The following CDHR1 variants were observed in gnomAD, a reference collection of about 807,000 sequenced individuals.
CDHR1 encodes cadherin-related family member 1.
Under a neutral mutation model 72.1 loss-of-function variants are expected in CDHR1, and 61 were observed. The observed-to-expected ratio is 0.85, with a 90% CI of 0.69 to 1.05. CDHR1 has a LOEUF of 1.05. Ranked by LOEUF, CDHR1 falls within the 50% of genes least tolerant of loss-of-function variation. CDHR1 has a pLI of 0.00. For synonymous variants in CDHR1, 470 were observed against 448.1 expected, an observed-to-expected ratio of 1.05 and a Z score of -0.62; for missense variants, 1,186 against 1,115.7, an observed-to-expected ratio of 1.06 and a Z score of -0.90.
At chr10:84,214,049 C>G in intron 16 of CDHR1, 33 bp from the exon 17 acceptor site, 2 of 1,613,954 alleles carry the variant, frequency 1.2e-6, no homozygotes, top group Non-Finnish European at 1.7e-6. Flanking sequence ...CAGGTGGGAA[C>G]AGCTGAGTGC....
Position 84,214,961 on chromosome 10 carries a change from C to A in CDHR1, c.*340C>A. Reference sequence around the variant, plus strand: ...GCTCACCCATCCCAGACCTCACAGTCCCTCAGGTTCTACTGGGATCTCATC... The same window carrying A: ...GCTCACCCATCCCAGACCTCACAGTACCTCAGGTTCTACTGGGATCTCATC... On this transcript the variant is annotated 3_prime_UTR_variant, in exon 17 of 17. Transcript: ENST00000623527. 1 of 1,238,486 alleles carries A rather than the reference C, an allele frequency of 8.1e-7. No homozygotes were observed. The highest frequency in any genetic ancestry group is 1.7e-5 in the South Asian group (1 of 57,526). The allele number at this position is 1,238,486 out of a possible 1,614,324, so 76.7% of individuals were successfully genotyped here.
At chr10:84,208,095 A>T in intron 10 of CDHR1, 79 bp from the exon 11 acceptor site, 1 of 1,275,812 alleles carries the variant, frequency 7.8e-7, no homozygotes, top group Non-Finnish European at 1.1e-6. Context: ...GGGATTATAC[A>T]TTCTGCAGGG....
At chr10:84,210,348 C>A (rs1404114899) in intron 12 of CDHR1, among the ~76,000 whole-genome samples, 1 of 152,074 alleles carries the variant, frequency 6.6e-6, no homozygotes, top group Non-Finnish European at 1.5e-5. Context: ...TCACTGAAAA[C>A]TCTGCCTCCC....
At position 84,212,493 on chromosome 10, in the gene CDHR1, A is replaced by G. The variant is rs113149628; in HGVS notation, c.1782+86A>G. The G allele has an allele frequency of 1.5e-4, 192 of 1,262,018 alleles. 1 individual carries two copies. The highest frequency in any genetic ancestry group is 7.7e-4 in the African/African-American group (52 of 67,244). 78.2% of individuals were successfully genotyped at this position (1,262,018 alleles called of 1,614,324 possible). ...CTGAGGCATAAGAATTTCATTGAAG[A>G]TAAAATTTTTTGGCTTCCCACCATG... On this transcript the variant is annotated intron_variant, in intron 15 of 16. Coordinates refer to ENST00000623527, the MANE Select transcript of CDHR1 (RefSeq NM_033100.4).
rs7086467 is a variant in CDHR1, at chr10:84,203,234, C to G, written c.783+111C>G. 5.5e-3 allele frequency: 7,806 copies of G among 1,425,802 alleles called. 312 individuals carry two copies. The African/African-American group carries it at 0.09, about 16-fold the overall frequency. 88.3% of individuals were successfully genotyped at this position (1,425,802 alleles called of 1,614,324 possible). On this transcript the variant is annotated intron_variant, in intron 8 of 16. Coordinates refer to ENST00000623527, the MANE Select transcript of CDHR1 (RefSeq NM_033100.4). ...TGGCTGGTCTGGTCCCGGTTGCCCTCCTCACACAGAGGCCAGCTCTGGACT... is the reference window on the plus strand; with the variant it reads ...TGGCTGGTCTGGTCCCGGTTGCCCTGCTCACACAGAGGCCAGCTCTGGACT...
intron 5 of CDHR1, among the ~76,000 whole-genome samples, chr10:84,200,029 G>C (rs936385177): frequency 1.3e-5 from 2 of 152,170 alleles, no homozygotes; most frequent in African/African-American, 4.8e-5. Context: ...AATTAGCCTG[G>C]CATGGTGGTG....
At chr10:84,212,765 C>T in intron 15 of CDHR1, 1 of 526,614 alleles carries the variant, frequency 1.9e-6, no homozygotes. Context: ...ACTTTGAATC[C>T]TGACTCCCTT....
intron 9 of CDHR1, 113 bp from the exon 10 acceptor site, chr10:84,205,714 G>T: frequency 1.4e-6 from 1 of 739,454 alleles, no homozygotes; most frequent in East Asian, 2.6e-5. Flanking sequence ...ACAGATGACA[G>T]GATTCCATTC....
rs576515617 is a variant in CDHR1 at position 84,215,745 on chromosome 10, G to A, written c.*1124G>A. 59 of 985,440 alleles carry A rather than the reference G, an allele frequency of 6.0e-5. No homozygotes were observed. The South Asian group carries it at 2.3e-3, about 38-fold the overall frequency. The allele number at this position is 985,440 out of a possible 1,614,324, so 61.0% of individuals were successfully genotyped here. On this transcript the variant is annotated 3_prime_UTR_variant, in exon 17 of 17. Coordinates refer to ENST00000623527, the MANE Select transcript of CDHR1 (RefSeq NM_033100.4). ...GCAGCTCTTCCAGAAAGTATTAGGA[G>A]CCTCACATCTACTCTGCCAAGCGCC... is the stretch of plus-strand genomic sequence containing the variant.
At position 84,215,527 on chromosome 10, in the gene CDHR1, C is replaced by T. The variant is rs1285826182; in HGVS notation, c.*906C>T. On this transcript the variant is annotated 3_prime_UTR_variant, in exon 17 of 17. Coordinates refer to ENST00000623527, the MANE Select transcript of CDHR1 (RefSeq NM_033100.4). The stretch of plus-strand genomic sequence containing the variant: ...TTTTATCCAGCTCTTTTGCTCACAT[C>T]GCGTAACCTTGGGAAAGCTGTTTAA... 13 of 938,066 alleles carry T rather than the reference C, an allele frequency of 1.4e-5. No individual in the cohort carries two copies. The highest frequency in any genetic ancestry group is 7.1e-5 in the African/African-American group (4 of 56,240). 58.1% of individuals were successfully genotyped at this position (938,066 alleles called of 1,614,324 possible). A position where few individuals can be genotyped will look rare whatever the true frequency, so the allele number is the denominator to read the frequency against.
At chr10:84,208,414 AC>A (rs1842268987) in intron 11 of CDHR1, 37 bp downstream of exon 11, 2 of 1,605,364 alleles carry the variant, frequency 1.2e-6, no homozygotes, top group African/African-American at 2.7e-5. Flanking sequence ...CTTCTCACAA[AC>A]GGTATGAAGC....
chr10:84,212,112 G>A lies in CDHR1; in HGVS notation c.1554-67G>A, dbSNP rs956845970. ...CTTCAGGAGGCAGCTCATTATTGCA[G>A]GCATGTGTATGTATGCACATATGTG... On this transcript the variant is annotated intron_variant, in intron 14 of 16. Coordinates refer to ENST00000623527, the MANE Select transcript of CDHR1 (RefSeq NM_033100.4). 5.2e-6 allele frequency: 7 copies of A among 1,352,572 alleles called. No homozygotes were observed. The African/African-American group carries it at 1.0e-4, about 19-fold the overall frequency. 83.8% of individuals were successfully genotyped at this position (1,352,572 alleles called of 1,614,324 possible).
rs183737313 is a variant in CDHR1, at chr10:84,210,891, C to T, written c.1321-110C>T. 85 of 1,229,534 alleles carry T rather than the reference C, an allele frequency of 6.9e-5. No homozygotes were observed. The African/African-American group carries it at 1.0e-3, about 15-fold the overall frequency. The allele number at this position is 1,229,534 out of a possible 1,614,324, so 76.2% of individuals were successfully genotyped here. A position where few individuals can be genotyped will look rare whatever the true frequency, so the allele number is the denominator to read the frequency against. ...GCTGGTTGGCAGCTGCGAGGAAGAT[C>T]GGGAGACACGGCAGATGGATGCCAC... On this transcript the variant is annotated intron_variant, in intron 12 of 16. Transcript: ENST00000623527.
chr10:84,204,286 C>T lies in CDHR1; in HGVS notation c.784-241C>T, dbSNP rs115808769. ...GAGGCCTGAGAATCCCTGGGCAGCA[C>T]AGGTACTGACCCCTACTGGTGAGAA... On this transcript the variant is annotated intron_variant, in intron 8 of 16. Transcript: ENST00000623527. 3.1e-3 allele frequency among the ~76,000 whole-genome samples: 477 copies of T among 152,244 alleles called. 1 individual carries two copies. Among genetic ancestry groups the T allele is most frequent in the African/African-American group, 7.9e-3 (327 of 41,534 alleles).
chr10:84,206,936 T>A (rs1842237230), intron 10 of CDHR1, among the ~76,000 whole-genome samples: 1 of 152,078 alleles, frequency 6.6e-6, no homozygotes, highest in African/African-American at 2.4e-5. Flanking sequence ...TGAGGCAGAT[T>A]GCACAGAATG....
Position 84,215,762 on chromosome 10 carries a change from C to T in CDHR1, c.*1141C>T. ...TATTAGGAGCCTCACATCTACTCTG[C>T]CAAGCGCCCCAGCAGGCACTGTGCT... On this transcript the variant is annotated 3_prime_UTR_variant, in exon 17 of 17. Transcript: ENST00000623527. 2.0e-6 allele frequency: 2 copies of T among 985,466 alleles called. No individual in the cohort carries two copies. The highest frequency in any genetic ancestry group is 2.4e-6 in the Non-Finnish European group (2 of 829,962). The allele number at this position is 985,466 out of a possible 1,614,324, so 61.0% of individuals were successfully genotyped here.
chr10:84,202,562 C>T (rs978630170), intron 7 of CDHR1, among the ~76,000 whole-genome samples: 52 of 152,218 alleles, frequency 3.4e-4, no homozygotes, highest in African/African-American at 1.2e-3. Context: ...GCTGCACGGG[C>T]TGGGCTGGTT....
At chr10:84,209,521 A>C (rs978639396) in intron 12 of CDHR1, among the ~76,000 whole-genome samples, 2 of 152,182 alleles carry the variant, frequency 1.3e-5, no homozygotes. Context: ...AATTCCTGAA[A>C]TAACATTGTT....
chr10:84,194,970 C>T (rs748146496), intron 1 of CDHR1, among the ~76,000 whole-genome samples, 155 bp downstream of exon 1: 2 of 152,178 alleles, frequency 1.3e-5, no homozygotes, highest in Non-Finnish European at 2.9e-5. Flanking sequence ...TCTTCCTGGC[C>T]CATTCGGTAG....
Sources: gnomAD v4.1 joint callset for allele counts (sites outside exome capture counted in the v4.1 genomes callset) on GRCh38, gnomAD v4.1.1 for gene constraint, MANE v1.5 for transcripts, NCBI Gene and HGNC (gene_info 2026-07-23, HGNC 2026-07-21) for gene names.